Variants in ZFYVE26 observed in about 807,000 individuals in gnomAD.
ZFYVE26 encodes zinc finger FYVE domain-containing protein 26.
In ZFYVE26, 181 loss-of-function variants were observed where a neutral mutation model predicts 276.5. The ratio of observed to expected loss-of-function variants is 0.65; its 90% CI spans 0.58 to 0.74. The LOEUF is 0.74. Ranked by LOEUF, ZFYVE26 falls within the 30% of genes least tolerant of loss-of-function variation. ZFYVE26 has a pLI of 0.00. For synonymous variants in ZFYVE26, 1,129 were observed against 1,203.1 expected (o/e 0.94, Z 1.27); for missense variants, 2,821 against 3,097.9 (o/e 0.91, Z 2.12).
Position 67,733,533 on chromosome 14 carries a change from GT to G in ZFYVE26, n.2680-3715del, listed in dbSNP as rs1305191356. ...ATTATTAGACCTGGTACTAGATCTT[GT>G]TATAGAATATATTAATAAATAAGCC... is the stretch of plus-strand genomic sequence containing the variant. On this transcript the variant is annotated intron_variant and non_coding_transcript_variant, in intron 13 of 14. Coordinates refer to the ZFYVE26 transcript ENST00000394455. 3.9e-5 allele frequency among the ~76,000 whole-genome samples: 6 copies of G among 152,210 alleles called. No homozygotes were observed. In the East Asian group the frequency reaches 9.6e-4, roughly 24 times the overall value.
At chr14:67,753,866 A>G (rs999694817) in intron 38 of ZFYVE26, 100 bp from the exon 39 acceptor site, 2 of 1,514,984 alleles carry the variant, frequency 1.3e-6, no homozygotes, top group South Asian at 1.1e-5. Flanking sequence ...TTCAACAAAT[A>G]TTTGTTGAGA....
chr14:67,775,138 A>G (rs758728721), intron 26 of ZFYVE26, 24 bp from the exon 27 acceptor site: 2 of 1,525,954 alleles, frequency 1.3e-6, no homozygotes, highest in Non-Finnish European at 1.8e-6. Context: ...AAATGCTGAC[A>G]AAATATGGTT....
At position 67,807,915 on chromosome 14, in the gene ZFYVE26, C is replaced by T. The variant is rs918553976; in HGVS notation, c.369G>A (p.Leu123=). ...GDIPENILEE[L]YETLTQGAVG... is the part of the protein sequence containing the mutation. ...CTGCACCCTGTGTTAAGGTCTCATACAGCTCCTAAATAGAGGATGAAGAAA... is the reference window on the plus strand; with the variant it reads ...CTGCACCCTGTGTTAAGGTCTCATATAGCTCCTAAATAGAGGATGAAGAAA... Residue 123 remains leucine (L), a synonymous_variant, in exon 5 of 42, where the codon CTG becomes CTA. Transcript: ENST00000347230. 3.1e-6 allele frequency: 5 copies of T among 1,614,174 alleles called. No individual in the cohort carries two copies. Among genetic ancestry groups the T allele is most frequent in the Non-Finnish European group, 4.2e-6 (5 of 1,180,020 alleles).
chr14:67,813,675 AAT>A (rs771328694), intron 3 of ZFYVE26, among the ~76,000 whole-genome samples: 13 of 152,322 alleles, frequency 8.5e-5, no homozygotes, highest in Non-Finnish European at 1.3e-4. Flanking sequence ...TTAAATGTTG[AAT>A]AGATCCAAAT....
Position 67,797,723 on chromosome 14 carries a change from T to C in ZFYVE26, c.2281A>G (p.Thr761Ala), listed in dbSNP as rs747766589. 4 of 1,614,040 alleles carry C rather than the reference T, an allele frequency of 2.5e-6. No homozygotes were observed. Among genetic ancestry groups the C allele is most frequent in the Non-Finnish European group, 3.4e-6 (4 of 1,180,050 alleles). The part of the protein sequence containing the change: ...EQPSRRYQPA[T>A]RHPSLRRGRR... ...CCCCGGCGGAGACTGGGGTGACGTG[T>C]GGCAGGCTGGTATCTTCGGGAAGGT... The change falls in exon 12 of 42, where the codon ACA (threonine) becomes GCA (alanine). Residue 761 changes from threonine (T) to alanine (A), a missense_variant. Thr to Ala is a moderately conservative substitution (Grantham distance 58). Transcript: ENST00000347230.
At chr14:67,781,584 A>T in intron 21 of ZFYVE26, 55 bp from the exon 22 acceptor site, 1 of 1,543,198 alleles carries the variant, frequency 6.5e-7, no homozygotes, top group Non-Finnish European at 8.9e-7. Context: ...GAAGAGTTCA[A>T]GAGTCCAGGT....
chr14:67,731,314 A>G (rs571111647), intron 13 of ZFYVE26, among the ~76,000 whole-genome samples: 23 of 148,726 alleles, frequency 1.5e-4, no homozygotes, highest in African/African-American at 5.7e-4. Context: ...TCCTGGGTTC[A>G]AGGGATCCTC....
chr14:67,784,678 C>T (rs1394661531), intron 19 of ZFYVE26, among the ~76,000 whole-genome samples: 4 of 152,176 alleles, frequency 2.6e-5, no homozygotes, highest in African/African-American at 7.2e-5. Context: ...GATCTAGCCA[C>T]GGACAGCCAA....
At chr14:67,735,414 G>GAAA in intron 13 of ZFYVE26, 1 of 647,706 alleles carries the variant, frequency 1.5e-6, no homozygotes, top group Non-Finnish European at 2.8e-6. Context: ...CTTGCCGCAA[G>GAAA]TTAACATCTG....
exon 14 of ZFYVE26, chr14:67,729,333 C>T: frequency 6.3e-7 from 1 of 1,599,328 alleles, no homozygotes. Context: ...CCAGCCTGCA[C>T]TGCGCCCTGG....
chr14:67,764,790 G>A (rs1409679090), intron 32 of ZFYVE26, among the ~76,000 whole-genome samples: 1 of 152,106 alleles, frequency 6.6e-6, no homozygotes, highest in Non-Finnish European at 1.5e-5. Flanking sequence ...ACCTTGGGGT[G>A]GGTGAGAATC....
At chr14:67,768,154 TG>T (rs2140201971) in intron 30 of ZFYVE26, among the ~76,000 whole-genome samples, 1 of 152,278 alleles carries the variant, frequency 6.6e-6, no homozygotes, top group East Asian at 1.9e-4. Context: ...TAACCTGTTG[TG>T]GACAGATACA....
intron 10 of ZFYVE26, chr14:67,798,981 G>A: frequency 8.8e-7 from 1 of 1,130,462 alleles, no homozygotes; most frequent in Non-Finnish European, 1.3e-6. Flanking sequence ...GGGCGGGGGT[G>A]ATTTACGGAT....
intron 35 of ZFYVE26, among the ~76,000 whole-genome samples, chr14:67,756,773 T>C (rs917015958): frequency 6.6e-6 from 1 of 152,190 alleles, no homozygotes; most frequent in Non-Finnish European, 1.5e-5. Flanking sequence ...CACTGTTTAA[T>C]ATACTGTTGA....
intron 27 of ZFYVE26, 143 bp downstream of exon 27, chr14:67,774,873 C>T: frequency 1.5e-6 from 1 of 648,360 alleles, no homozygotes; most frequent in East Asian, 2.7e-5. Flanking sequence ...ATATATAAAT[C>T]TGGAATGAAC....
intron 22 of ZFYVE26, 35 bp downstream of exon 22, chr14:67,781,298 G>A: frequency 6.2e-7 from 1 of 1,610,402 alleles, no homozygotes; most frequent in Non-Finnish European, 8.5e-7. Flanking sequence ...AGAGTGAGAA[G>A]CCCGTTCCCT....
At position 67,755,219 on chromosome 14, in the gene ZFYVE26, C is replaced by T. The variant is rs778833988; in HGVS notation, c.6818G>A (p.Arg2273Gln). 8.7e-6 allele frequency: 14 copies of T among 1,613,968 alleles called. No homozygotes were observed. Among genetic ancestry groups the T allele is most frequent in the East Asian group, 4.5e-5 (2 of 44,878 alleles). ...TGACTTTGCTTTGTGACTGAAGAAC[C>T]GAATACAGGTCATGGCGGCCCGAAC... Reference protein sequence around the residue: ...DQVRAAMTCIRFFSHKAKSYT... With the variant: ...DQVRAAMTCIQFFSHKAKSYT... The change falls in exon 37 of 42, where the codon CGG (arginine) becomes CAG (glutamine). Residue 2273 changes from arginine to glutamine, a missense_variant. Coordinates refer to ENST00000347230, the MANE Select transcript of ZFYVE26 (RefSeq NM_015346.4).
At chr14:67,800,806 A>G (rs749914283) in intron 10 of ZFYVE26, among the ~76,000 whole-genome samples, 11 of 152,190 alleles carry the variant, frequency 7.2e-5, no homozygotes, top group Non-Finnish European at 1.2e-4. Flanking sequence ...GTTTGTGGCT[A>G]CAAATAGGTT....
In ZFYVE26 at chr14:67,766,444, G is replaced by A; in HGVS notation, c.5794C>T (p.Pro1932Ser). The A allele has an allele frequency of 6.2e-7, 1 of 1,612,122 alleles. No homozygotes were observed. Among genetic ancestry groups the A allele is most frequent in the Non-Finnish European group, 8.5e-7 (1 of 1,179,906 alleles). Residue 1932 changes from proline to serine, a missense_variant, in exon 32 of 42, where the codon CCC becomes TCC. Pro to Ser is a moderately conservative substitution (Grantham distance 74, BLOSUM62 -1). Coordinates refer to ENST00000347230, the MANE Select transcript of ZFYVE26 (RefSeq NM_015346.4). The part of the protein sequence containing the change: ...VRSEFYYEQA[P>S]SASLCIAILN... ...ATGGCAATGCACAAGGAGGCGCTGG[G>A]GGCCTGGCCGGGGTGGAAGAAGGGA... is the stretch of plus-strand genomic sequence containing the variant.
Sources: allele counts gnomAD v4.1 joint callset (sites outside exome capture counted in the v4.1 genomes callset), GRCh38; gene constraint gnomAD v4.1.1; transcripts MANE v1.5; gene names NCBI Gene and HGNC (gene_info 2026-07-23, HGNC 2026-07-21).